PPP2R3B: variants seen among roughly 807,000 people sequenced by gnomAD.
The protein encoded by PPP2R3B is serine/threonine-protein phosphatase 2A regulatory subunit B'' subunit beta.
In PPP2R3B, 68 loss-of-function variants were observed where a neutral mutation model predicts 72.9. The ratio of observed to expected loss-of-function variants is 0.93; its 90% CI spans 0.77 to 1.14. The LOEUF is 1.14. PPP2R3B is among the 50% of genes most tolerant of loss of function. PPP2R3B has a pLI of 0.00. For synonymous variants in PPP2R3B, 466 were observed against 375.8 expected (o/e 1.24, Z -2.78); for missense variants, 1,018 against 842.0 (o/e 1.21, Z -2.59).
intron 1 of PPP2R3B, among the ~76,000 whole-genome samples, chrX:372,997 T>A (rs867066718): frequency 3.6e-4 from 55 of 152,132 alleles, no homozygotes; most frequent in African/African-American, 1.3e-3. Flanking sequence ...GCATAAATAG[T>A]CCGGTATGTG....
chrX:341,870 G>GA lies in PPP2R3B; in HGVS notation c.1085+12dup. On this transcript the variant is annotated intron_variant, in intron 8 of 12. Transcript: ENST00000390665. ...GGGCAATGGCTGCCGTCAGGCGCCT[G>GA]AGCCGTACGTACCGTGTGACTGCTC... The GA allele has an allele frequency of 6.2e-7, 1 of 1,612,594 alleles. No individual in the cohort carries two copies.
chrX:337,984 TTC>T (rs1210991821), intron 12 of PPP2R3B: 1 of 155,934 alleles, frequency 6.4e-6, no homozygotes, highest in Non-Finnish European at 1.4e-5. Flanking sequence ...CAGAAATGAA[TTC>T]TTAGATATGA....
intron 2 of PPP2R3B, among the ~76,000 whole-genome samples, chrX:360,038 C>T (rs1267105920): frequency 2.0e-5 from 3 of 152,138 alleles, no homozygotes; most frequent in Non-Finnish European, 2.9e-5. Flanking sequence ...CCGTATTGCC[C>T]TAAAACCAAA....
intron 1 of PPP2R3B, among the ~76,000 whole-genome samples, chrX:383,413 G>C (rs2072166836): frequency 6.6e-6 from 1 of 152,120 alleles, no homozygotes. Context: ...GGAACATTCT[G>C]AATATTTCAG....
intron 8 of PPP2R3B, 36 bp downstream of exon 8, chrX:341,847 G>T: frequency 3.1e-6 from 5 of 1,609,500 alleles, no homozygotes; most frequent in Non-Finnish European, 4.2e-6. Context: ...CCTCGCAGGG[G>T]CAATGGCTGC....
At chrX:338,115 G>A (rs181652084) in intron 12 of PPP2R3B, 19 of 185,092 alleles carry the variant, frequency 1.0e-4, no homozygotes, top group South Asian at 9.2e-4. Flanking sequence ...GGAAAAAGGC[G>A]AACACGTCGC....
Position 338,819 on chromosome X carries a change from A to C in PPP2R3B, c.1429T>G (p.Tyr477Asp). The C allele has an allele frequency of 6.2e-7, 1 of 1,612,424 alleles. No homozygotes were observed. Among genetic ancestry groups the C allele is most frequent in the Non-Finnish European group, 8.5e-7 (1 of 1,179,692 alleles). Residue 477 changes from tyrosine to aspartate, a missense_variant, in exon 11 of 13, where the codon TAC (tyrosine) becomes GAC (aspartate). Coordinates refer to ENST00000390665, the MANE Select transcript of PPP2R3B (RefSeq NM_013239.5). Reference sequence around the variant, plus strand: ...TGCTCTTTCTGCTCGTGGTCGAGGTACTTCTCGATGTTGAAGAAGGTGTCG... The same window carrying C: ...TGCTCTTTCTGCTCGTGGTCGAGGTCCTTCTCGATGTTGAAGAAGGTGTCG... The part of the protein sequence containing the change: ...FFDTFFNIEK[Y>D]LDHEQKEQIS...
At position 338,793 on chromosome X, in the gene PPP2R3B, C is replaced by A. The variant is rs1238520591; in HGVS notation, c.1455G>T (p.Gln485His). The change falls in exon 11 of 13, where the codon CAG becomes CAT. Residue 485 changes from glutamine (Q) to histidine (H), a missense_variant. Transcript: ENST00000390665. ...EKYLDHEQKEQISLLRDGDSG... is the reference protein window; with the variant it reads ...EKYLDHEQKEHISLLRDGDSG... ...CCGCACTCACCCTGAGCAGGGAGATCTGCTCTTTCTGCTCGTGGTCGAGGT... is the reference window on the plus strand; with the variant it reads ...CCGCACTCACCCTGAGCAGGGAGATATGCTCTTTCTGCTCGTGGTCGAGGT... 2 of 1,612,320 alleles carry A rather than the reference C, an allele frequency of 1.2e-6. No homozygotes were observed. The highest frequency in any genetic ancestry group is 4.5e-5 in the East Asian group (2 of 44,884).
Position 338,690 on chromosome X carries a change from G to T in PPP2R3B, c.1491C>A (p.Pro497=). ...SLLRDGDSGG[P]ELSDWEKYAA... is the part of the protein sequence containing the mutation. ...CGTACTTCTCCCAGTCCGAGAGCTC[G>T]GGGCCGCCGCTGTCACCGTCCTGGA... Residue 497 remains proline (P), a synonymous_variant, in exon 12 of 13, where the codon CCC becomes CCA. Coordinates refer to ENST00000390665, the MANE Select transcript of PPP2R3B (RefSeq NM_013239.5). The T allele has an allele frequency of 6.2e-7, 1 of 1,611,614 alleles. No individual in the cohort carries two copies. The highest frequency in any genetic ancestry group is 2.2e-5 in the East Asian group (1 of 44,862).
At chrX:351,053 C>CG (rs1431150389) in intron 2 of PPP2R3B, among the ~76,000 whole-genome samples, 1 of 152,110 alleles carries the variant, frequency 6.6e-6, no homozygotes, top group Non-Finnish European at 1.5e-5. Flanking sequence ...CGCGCCACAG[C>CG]GGGGATTGCA....
chrX:375,842 G>GCTGGGTGACACAC lies in PPP2R3B; in HGVS notation c.324+10525_324+10526insGTGTGTCACCCAG, dbSNP rs60636895. 1.7e-4 allele frequency among the ~76,000 whole-genome samples: 26 copies of GCTGGGTGACACAC among 152,288 alleles called. No individual in the cohort carries two copies. The South Asian group carries it at 2.5e-3, about 15-fold the overall frequency. ...GGTGACACACGCCCTGTCCTGCCAC[G>GCTGGGTGACACAC]GCGGGTGACACACACCCCTGTGGAC... On this transcript the variant is annotated intron_variant, in intron 1 of 12. Coordinates refer to ENST00000390665, the MANE Select transcript of PPP2R3B (RefSeq NM_013239.5).
Position 354,166 on chromosome X carries a change from G to A in PPP2R3B, c.511-6473C>T, listed in dbSNP as rs865924931. On this transcript the variant is annotated intron_variant, in intron 2 of 12. Coordinates refer to ENST00000390665, the MANE Select transcript of PPP2R3B (RefSeq NM_013239.5). The stretch of plus-strand genomic sequence containing the variant: ...CACCCAAACACCGGGGGCTCACCCA[G>A]GGACTAGGGGCTCACCCAAACACCG... Among the ~76,000 whole-genome samples, 152 of 93,472 alleles carry A rather than the reference G, an allele frequency of 1.6e-3. 3 individuals carry two copies. Among genetic ancestry groups the A allele is most frequent in the Admixed American group, 2.5e-3 (18 of 7,290 alleles). 61.3% of individuals were successfully genotyped at this position (93,472 alleles called of 152,430 possible).
chrX:361,342 G>GCCT (rs1250018210), intron 2 of PPP2R3B, 63 bp downstream of exon 2: 2 of 1,586,428 alleles, frequency 1.3e-6, no homozygotes, highest in Non-Finnish European at 1.7e-6. Flanking sequence ...CGGCCGCTCC[G>GCCT]CCTCACCCTC....
chrX:341,980 G>A (rs761534845), intron 7 of PPP2R3B, 49 bp from the exon 8 acceptor site: 57 of 1,604,420 alleles, frequency 3.6e-5, no homozygotes, highest in Non-Finnish European at 4.8e-5. Context: ...CCTCGGCCCC[G>A]ACGTCACCAC....
chrX:350,388 C>A (rs28379128), intron 2 of PPP2R3B, among the ~76,000 whole-genome samples: 1 of 152,210 alleles, frequency 6.6e-6, no homozygotes, highest in Non-Finnish European at 1.5e-5. Flanking sequence ...ACCGCTGCAC[C>A]GCCCCAGCGC....
In PPP2R3B at chrX:370,532, C is replaced by T. The variant is rs367871938; in HGVS notation, c.325-8942G>A. 1.8e-3 allele frequency among the ~76,000 whole-genome samples: 279 copies of T among 152,292 alleles called. 2 individuals are homozygous for T. The highest frequency in any genetic ancestry group is 6.5e-3 in the African/African-American group (269 of 41,576). ...CGCGCAACACAGCGAGGGGAGGATC[C>T]GGCACCCTCCCTGCGTCCACAAGCC... On this transcript the variant is annotated intron_variant, in intron 1 of 12. Transcript: ENST00000390665.
intron 1 of PPP2R3B, among the ~76,000 whole-genome samples, chrX:363,266 G>A (rs1381815002): frequency 2.8e-3 from 168 of 60,832 alleles, no homozygotes; most frequent in Middle Eastern, 0.026. Flanking sequence ...TGATCCCGCA[G>A]TGCATCTCCC....
chrX:345,870 C>A lies in PPP2R3B; in HGVS notation c.880-198G>T, dbSNP rs748123033. 2.4e-3 allele frequency among the ~76,000 whole-genome samples: 82 copies of A among 34,354 alleles called. 1 individual carries two copies. Among genetic ancestry groups the A allele is most frequent in the African/African-American group, 0.01 (73 of 7,092 alleles). The allele number at this position is 34,354 out of a possible 152,430, so 22.5% of individuals were successfully genotyped here. A position where few individuals can be genotyped will look rare whatever the true frequency, so the allele number is the denominator to read the frequency against. On this transcript the variant is annotated intron_variant, in intron 6 of 12. Coordinates refer to ENST00000390665, the MANE Select transcript of PPP2R3B (RefSeq NM_013239.5). ...GGGAGCTCCAGCATGGGGGTGGCTC[C>A]CTAGGCGGGTGTGGGGGTGGGGGCA...
Position 342,283 on chromosome X carries a change from C to CCAACGGGAGACGGGAGTGAGACCTCAG in PPP2R3B, c.1037-379_1037-353dup, listed in dbSNP as rs1569381591. On this transcript the variant is annotated intron_variant, in intron 7 of 12. Transcript: ENST00000390665. ...CAAACACGTTTCAACCAAAGGTTCA[C>CCAACGGGAGACGGGAGTGAGACCTCAG]CAACGGGAGACGGGAGTGAGACCTC... 3.1e-5 allele frequency: 13 copies of CCAACGGGAGACGGGAGTGAGACCTCAG among 425,810 alleles called. 1 individual carries two copies. Among genetic ancestry groups the CCAACGGGAGACGGGAGTGAGACCTCAG allele is most frequent in the South Asian group, 2.6e-4 (11 of 42,548 alleles). 26.4% of individuals were successfully genotyped at this position (425,810 alleles called of 1,614,324 possible). A position where few individuals can be genotyped will look rare whatever the true frequency, so the allele number is the denominator to read the frequency against.
Sources: gnomAD v4.1 joint callset for allele counts (sites outside exome capture counted in the v4.1 genomes callset) on GRCh38, gnomAD v4.1.1 for gene constraint, MANE v1.5 for transcripts, NCBI Gene and HGNC (gene_info 2026-07-23, HGNC 2026-07-21) for gene names.